UBA1: variants seen among roughly 807,000 people sequenced by gnomAD.
The protein encoded by UBA1 is ubiquitin-like modifier-activating enzyme 1.
Under a neutral mutation model 84.7 loss-of-function variants are expected in UBA1, and 4 were observed. That is an observed-to-expected ratio of 0.05 (90% CI 0.02 to 0.11). The LOEUF (loss-of-function observed/expected upper bound fraction) is 0.11, where lower values mean the gene tolerates loss of function less well. UBA1 is among the 10% of genes least tolerant of loss of function. The probability of loss-of-function intolerance (pLI) is 1.00; values close to 1 mark genes in which losing one functional copy is unlikely to be tolerated. For synonymous variants in UBA1, 364 were observed against 362.6 expected (o/e 1.00, Z -0.04); for missense variants, 513 against 902.8 (o/e 0.57, Z 5.53).
intron 17 of UBA1, 52 bp downstream of exon 17, chrX:47,209,739 TC>T: frequency 1.7e-6 from 2 of 1,163,086 alleles, no homozygotes; most frequent in Middle Eastern, 2.5e-4. Context: ...AGCCAAGGCA[TC>T]CCGGCTGCTT....
chrX:47,210,306 G>T (rs1936866485), intron 18 of UBA1, among the ~76,000 whole-genome samples, 183 bp downstream of exon 18: 1 of 111,942 alleles, frequency 8.9e-6, no homozygotes, highest in Non-Finnish European at 1.9e-5. Flanking sequence ...AAAGAGGCTT[G>T]GTTGCTATTG....
chrX:47,214,966 CCT>C lies in UBA1; in HGVS notation c.*41_*42del, dbSNP rs781965236. 1 of 1,203,886 alleles carries C rather than the reference CCT, an allele frequency of 8.3e-7. No homozygotes were observed. The highest frequency in any genetic ancestry group is 1.8e-5 in the African/African-American group (1 of 57,061). ...CCTCTAGGCTGGCCCCTTGTCCACCCCTCTCCACACCCCTTCCAGCCCAGGGT... is the reference window on the plus strand; with the variant it reads ...CCTCTAGGCTGGCCCCTTGTCCACCCCTCCACACCCCTTCCAGCCCAGGGT... On this transcript the variant is annotated 3_prime_UTR_variant, in exon 26 of 26. Coordinates refer to ENST00000335972, the MANE Select transcript of UBA1 (RefSeq NM_003334.4).
At chrX:47,197,771 G>T (rs1457435508) in intron 1 of UBA1, 12 of 448,381 alleles carry the variant, frequency 2.7e-5, no homozygotes, top group Non-Finnish European at 3.3e-5. Context: ...CTGGGCTTCA[G>T]AGTCAGCAGA....
rs1556792945 is a variant in UBA1 at position 47,210,130 on chromosome X, C to T, written c.2199+7C>T. 4 of 1,211,447 alleles carry T rather than the reference C, an allele frequency of 3.3e-6. No individual in the cohort carries two copies. Among genetic ancestry groups the T allele is most frequent in the Admixed American group, 2.2e-5 (1 of 46,099 alleles). On this transcript the variant is annotated splice_region_variant and intron_variant, in intron 18 of 25. Transcript: ENST00000335972. ...CAACTTCCCTCCTGACCAGGTAATG[C>T]CCAGTTGTTGGGTCCATTTGGCAGA... is the stretch of plus-strand genomic sequence containing the variant.
At position 47,211,122 on chromosome X, in the gene UBA1, G is replaced by A. The variant is rs1602654695; in HGVS notation, c.2361G>A (p.Val787=). 1 of 1,210,021 alleles carries A rather than the reference G, an allele frequency of 8.3e-7. No individual in the cohort carries two copies. Among genetic ancestry groups the A allele is most frequent in the African/African-American group, 1.7e-5 (1 of 57,187 alleles). ...GLTGSQDRAA[V]ATFLQSVQVP... The stretch of plus-strand genomic sequence containing the variant: ...CAGGCTCTCAGGACCGAGCTGCTGT[G>A]GCCACATTCCTGCAGTCTGTGCAGG... Residue 787 remains valine, a synonymous_variant, in exon 20 of 26, where the codon GTG becomes GTA. Coordinates refer to ENST00000335972, the MANE Select transcript of UBA1 (RefSeq NM_003334.4).
intron 1 of UBA1, chrX:47,197,739 C>A: frequency 1.9e-6 from 1 of 534,714 alleles, no homozygotes; most frequent in Non-Finnish European, 2.3e-6. Context: ...GGGGATGAAA[C>A]GTGATAACAC....
chrX:47,206,501 T>G (rs1163969025), intron 16 of UBA1, 57 bp downstream of exon 16: 1 of 1,145,334 alleles, frequency 8.7e-7, no homozygotes, highest in African/African-American at 1.8e-5. Flanking sequence ...CTGCTGCCTC[T>G]CCGCCCCCAG....
At chrX:47,214,505 C>T (rs1556794618) in intron 24 of UBA1, 32 bp from the exon 25 acceptor site, 1 of 1,203,695 alleles carries the variant, frequency 8.3e-7, no homozygotes, top group Admixed American at 2.2e-5. Context: ...CTGTCCACCT[C>T]CATGACCCTG....
intron 23 of UBA1, 26 bp from the exon 24 acceptor site, chrX:47,214,301 C>CT (rs1370205188): frequency 8.4e-7 from 1 of 1,193,342 alleles, no homozygotes; most frequent in African/African-American, 1.8e-5. Context: ...TGGTCTCCAT[C>CT]TTACACTCCC....
intron 21 of UBA1, 73 bp from the exon 22 acceptor site, chrX:47,212,698 T>C: frequency 1.0e-6 from 1 of 980,868 alleles, no homozygotes; most frequent in Admixed American, 2.4e-5. Flanking sequence ...AGCAGGCAAT[T>C]GCAGTGGAGG....
At chrX:47,213,394 A>T (rs782414452) in intron 23 of UBA1, among the ~76,000 whole-genome samples, 1 of 112,366 alleles carries the variant, frequency 8.9e-6, no homozygotes, top group Non-Finnish European at 1.9e-5. Flanking sequence ...ATTAGTAACT[A>T]CACAATAATG....
At chrX:47,194,374 C>G (rs1936124684) in intron 1 of UBA1, among the ~76,000 whole-genome samples, 1 of 112,347 alleles carries the variant, frequency 8.9e-6, no homozygotes, top group Admixed American at 9.4e-5. Flanking sequence ...ATCAGCATTG[C>G]TGATCAGAGC....
At chrX:47,199,806 G>A (rs555447496) in intron 5 of UBA1, among the ~76,000 whole-genome samples, 192 bp downstream of exon 5, 1 of 105,559 alleles carries the variant, frequency 9.5e-6, no homozygotes, top group Non-Finnish European at 1.9e-5. Flanking sequence ...TTTTTGAGAC[G>A]GAGTCTTGCT....
At position 47,206,324 on chromosome X, in the gene UBA1, T is replaced by C. The variant is rs782565505; in HGVS notation, c.1818T>C (p.Asn606=). ...LESGTLGTKG[N]VQVVIPFLTE... Reference sequence around the variant, plus strand: ...CAGGCACACTGGGCACCAAAGGCAATGTGCAGGTGGTGATCCCCTTCCTGA... The same window carrying C: ...CAGGCACACTGGGCACCAAAGGCAACGTGCAGGTGGTGATCCCCTTCCTGA... The change falls in exon 16 of 26, where the codon AAT becomes AAC. Residue 606 remains asparagine, a synonymous_variant. Transcript: ENST00000335972. The C allele has an allele frequency of 5.0e-6, 6 of 1,210,242 alleles. No homozygotes were observed. The highest frequency in any genetic ancestry group is 6.7e-6 in the Non-Finnish European group (6 of 895,068).
chrX:47,213,196 C>T lies in UBA1; in HGVS notation c.2838+15C>T, dbSNP rs782766039. On this transcript the variant is annotated intron_variant, in intron 23 of 25. Coordinates refer to ENST00000335972, the MANE Select transcript of UBA1 (RefSeq NM_003334.4). ...CACGTCACCAGGTGGGGGCCTGCAT[C>T]CGAAGCAGGGTTTGGGTGGGGTGTA... The T allele has an allele frequency of 5.0e-6, 6 of 1,207,513 alleles. No homozygotes were observed. Among genetic ancestry groups the T allele is most frequent in the Non-Finnish European group, 5.6e-6 (5 of 894,475 alleles).
At chrX:47,206,190 C>A in intron 15 of UBA1, 58 bp from the exon 16 acceptor site, 1 of 1,178,127 alleles carries the variant, frequency 8.5e-7, no homozygotes, top group Non-Finnish European at 1.1e-6. Context: ...GAGGGGTGTC[C>A]GTCTTTCTGT....
upstream of UBA1, chrX:47,191,761 G>A (rs1400502692): frequency 2.7e-5 from 3 of 112,013 alleles, no homozygotes; most frequent in African/African-American, 9.8e-5. Flanking sequence ...AGTTTTCAGT[G>A]GCTTTTCTAG....
chrX:47,210,324 CTG>C (rs1201719206), intron 18 of UBA1, among the ~76,000 whole-genome samples: 1 of 111,838 alleles, frequency 8.9e-6, no homozygotes, highest in African/African-American at 3.3e-5. Flanking sequence ...TTGCCCTTGA[CTG>C]TGGTGTGGGC....
chrX:47,209,502 C>T (rs1161337566), intron 16 of UBA1, 121 bp from the exon 17 acceptor site: 1 of 665,198 alleles, frequency 1.5e-6, no homozygotes, highest in Non-Finnish European at 2.4e-6. Context: ...AGGGCTTCCC[C>T]ACTTCCAGAG....
Sources: allele counts gnomAD v4.1 joint callset (sites outside exome capture counted in the v4.1 genomes callset), GRCh38; gene constraint gnomAD v4.1.1; transcripts MANE v1.5; gene names NCBI Gene and HGNC (gene_info 2026-07-23, HGNC 2026-07-21).